GRID2: variants seen among roughly 807,000 people sequenced by gnomAD.
GRID2 encodes glutamate receptor ionotropic, delta-2.
Under a neutral mutation model 114.8 loss-of-function variants are expected in GRID2, and 33 were observed. The observed-to-expected ratio is 0.29, with a 90% CI of 0.22 to 0.38. The LOEUF is 0.38. Ranked by LOEUF, GRID2 falls within the 10% of genes least tolerant of loss-of-function variation. The probability of loss-of-function intolerance (pLI) is 1.00; values close to 1 mark genes in which losing one functional copy is unlikely to be tolerated. For synonymous variants in GRID2, 505 were observed against 449.9 expected, an observed-to-expected ratio of 1.12 and a Z score of -1.55; for missense variants, 1,184 against 1,257.7, an observed-to-expected ratio of 0.94 and a Z score of 0.89.
intron 3 of GRID2, among the ~76,000 whole-genome samples, chr4:93,108,994 G>A (rs531879666): frequency 2.0e-5 from 3 of 152,250 alleles, no homozygotes; most frequent in South Asian, 2.1e-4. Flanking sequence ...TTTTTGATAA[G>A]TTTCTCAGAT....
chr4:93,622,897 CAA>C, intron 13 of GRID2, among the ~76,000 whole-genome samples: 1 of 151,842 alleles, frequency 6.6e-6, no homozygotes. Flanking sequence ...TTTTCAGTAC[CAA>C]AAAAAGTCTC....
intron 2 of GRID2, among the ~76,000 whole-genome samples, chr4:92,633,537 C>T (rs563228135): frequency 1.2e-4 from 18 of 152,210 alleles, no homozygotes; most frequent in African/African-American, 1.7e-4. Context: ...TTTATATATT[C>T]GTACCTTCTC....
intron 13 of GRID2, among the ~76,000 whole-genome samples, chr4:93,551,072 G>A (rs1733706737): frequency 6.6e-6 from 1 of 152,088 alleles, no homozygotes; most frequent in Admixed American, 6.6e-5. Context: ...GAGATTTTAA[G>A]ATTTGTTTTA....
At chr4:92,973,127 A>G (rs1753636452) in intron 2 of GRID2, among the ~76,000 whole-genome samples, 1 of 152,174 alleles carries the variant, frequency 6.6e-6, no homozygotes, top group South Asian at 2.1e-4. Flanking sequence ...TGTGCCAAGT[A>G]ATGGGATTGC....
intron 2 of GRID2, among the ~76,000 whole-genome samples, chr4:92,961,724 G>T (rs1383208974): frequency 6.6e-6 from 1 of 151,324 alleles, no homozygotes; most frequent in African/African-American, 2.4e-5. Flanking sequence ...ATAACTTGAA[G>T]AAATTCTTGG....
intron 13 of GRID2, among the ~76,000 whole-genome samples, chr4:93,566,990 C>T (rs978459522): frequency 2.0e-5 from 3 of 152,104 alleles, no homozygotes; most frequent in Non-Finnish European, 4.4e-5. Flanking sequence ...AAGGGGTGGT[C>T]AGCAGAGCAG....
rs572438124 is a variant in GRID2 at position 93,407,120 on chromosome 4, C to T, written c.1347+11412C>T. On this transcript the variant is annotated intron_variant, in intron 9 of 15. Transcript: ENST00000282020. Reference sequence around the variant, plus strand: ...ACCAAAGAAAAAACTAAGTCCCTAACTGGAACTTGGATTCTTTCAAAGGCA... The same window carrying T: ...ACCAAAGAAAAAACTAAGTCCCTAATTGGAACTTGGATTCTTTCAAAGGCA... Among the ~76,000 whole-genome samples, 154 of 152,284 alleles carry T rather than the reference C, an allele frequency of 1.0e-3. 1 individual carries two copies. Among genetic ancestry groups the T allele is most frequent in the South Asian group, 6.2e-4 (3 of 4,830 alleles).
intron 14 of GRID2, among the ~76,000 whole-genome samples, chr4:93,739,482 A>G (rs1731194693): frequency 6.6e-6 from 1 of 152,138 alleles, no homozygotes; most frequent in Non-Finnish European, 1.5e-5. Context: ...CCCACTGGAT[A>G]TAAAAATTCC....
intron 11 of GRID2, among the ~76,000 whole-genome samples, chr4:93,473,100 A>G (rs1580181933): frequency 6.6e-6 from 1 of 152,004 alleles, no homozygotes; most frequent in Admixed American, 6.6e-5. Flanking sequence ...TCCTTTAACT[A>G]TTTTTTCCTG....
chr4:93,406,856 T>C (rs1766493579), intron 9 of GRID2, among the ~76,000 whole-genome samples: 1 of 152,132 alleles, frequency 6.6e-6, no homozygotes, highest in Admixed American at 6.6e-5. Flanking sequence ...TCCAAGAGCA[T>C]GTTGATGTTC....
At chr4:93,300,049 C>G (rs1754706418) in intron 8 of GRID2, among the ~76,000 whole-genome samples, 1 of 152,160 alleles carries the variant, frequency 6.6e-6, no homozygotes, top group South Asian at 2.1e-4. Flanking sequence ...TAAATCATCT[C>G]TAAATTATGT....
At chr4:93,513,028 A>G (rs1729349014) in intron 12 of GRID2, among the ~76,000 whole-genome samples, 1 of 152,056 alleles carries the variant, frequency 6.6e-6, no homozygotes, top group Non-Finnish European at 1.5e-5. Flanking sequence ...CTGTGATCTC[A>G]CCTCCATTAG....
intron 2 of GRID2, among the ~76,000 whole-genome samples, chr4:92,813,703 C>T (rs1740757370): frequency 6.6e-6 from 1 of 151,894 alleles, no homozygotes; most frequent in Admixed American, 6.6e-5. Context: ...AAGATGTAAG[C>T]ATATGATTTC....
chr4:92,567,234 G>A (rs35186291), intron 1 of GRID2, among the ~76,000 whole-genome samples: 32,315 of 151,580 alleles, frequency 0.21, 3,780 homozygotes, highest in South Asian at 0.3. Flanking sequence ...CTTCTTTTTT[G>A]AATTCCTTTA....
chr4:93,089,130 C>T (rs1730570117), intron 3 of GRID2, among the ~76,000 whole-genome samples: 1 of 151,944 alleles, frequency 6.6e-6, no homozygotes. Context: ...TGGAGAAGCC[C>T]CAATTCAAAT....
intron 8 of GRID2, among the ~76,000 whole-genome samples, chr4:93,341,312 C>G (rs906549647): frequency 6.9e-6 from 1 of 145,798 alleles, no homozygotes; most frequent in African/African-American, 2.8e-5. Flanking sequence ...TTTGTAGCCT[C>G]TTAGTCCTTC....
At chr4:93,190,329 C>T (rs1376226592) in intron 4 of GRID2, among the ~76,000 whole-genome samples, 1 of 152,086 alleles carries the variant, frequency 6.6e-6, no homozygotes, top group Non-Finnish European at 1.5e-5. Context: ...TATAAATTGA[C>T]ATAGCCATTG....
chr4:92,706,233 A>G (rs1734950134), intron 2 of GRID2, among the ~76,000 whole-genome samples: 2 of 152,192 alleles, frequency 1.3e-5, no homozygotes, highest in African/African-American at 4.8e-5. Flanking sequence ...AAGATGTTAC[A>G]GTTCAAGATG....
At chr4:93,619,898 C>T (rs1742054743) in intron 13 of GRID2, among the ~76,000 whole-genome samples, 1 of 152,196 alleles carries the variant, frequency 6.6e-6, no homozygotes, top group Non-Finnish European at 1.5e-5. Context: ...ACTCCATAGG[C>T]TATACCTTAC....
Sources: gnomAD v4.1 joint callset for allele counts (sites outside exome capture counted in the v4.1 genomes callset) on GRCh38, gnomAD v4.1.1 for gene constraint, MANE v1.5 for transcripts, NCBI Gene and HGNC (gene_info 2026-07-23, HGNC 2026-07-21) for gene names.